Variants in LMNA observed in about 807,000 individuals in gnomAD.
LMNA encodes the protein lamin.
A neutral mutation model predicts 70.4 loss-of-function variants in LMNA; 20 were observed. The ratio of observed to expected loss-of-function variants is 0.28; its 90% confidence interval spans 0.20 to 0.41. The LOEUF is 0.41. LMNA is among the 10% of genes least tolerant of loss of function. The pLI, the probability that LMNA is intolerant of heterozygous loss-of-function variation, is 1.00. For synonymous variants in LMNA, 339 were observed against 372.8 expected (o/e 0.91, Z 1.04); for missense variants, 652 against 917.2 (o/e 0.71, Z 3.73).
In LMNA at chr1:156,139,483, C is replaced by G; in HGVS notation, c.*377C>G. On this transcript the variant is annotated 3_prime_UTR_variant, in exon 12 of 12. Coordinates refer to ENST00000368300, the MANE Select transcript of LMNA (RefSeq NM_170707.4). ...CTGCTTTTCTGCCCTGGCTGCTGCC[C>G]CCACCCCGGGGACCCTGTGACATGG... 1 of 1,327,590 alleles carries G rather than the reference C, an allele frequency of 7.5e-7. No individual in the cohort carries two copies. The highest frequency in any genetic ancestry group is 1.5e-5 in the African/African-American group (1 of 66,456). 82.2% of individuals were successfully genotyped at this position (1,327,590 alleles called of 1,614,324 possible). A position where few individuals can be genotyped will look rare whatever the true frequency, so the allele number is the denominator to read the frequency against.
chr1:156,138,952 G>T lies in LMNA; in HGVS notation c.1969-128G>T. 7.7e-7 allele frequency: 1 copy of T among 1,297,838 alleles called. No individual in the cohort carries two copies. The highest frequency in any genetic ancestry group is 1.2e-5 in the South Asian group (1 of 83,404). 80.4% of individuals were successfully genotyped at this position (1,297,838 alleles called of 1,614,324 possible). A position where few individuals can be genotyped will look rare whatever the true frequency, so the allele number is the denominator to read the frequency against. On this transcript the variant is annotated intron_variant, in intron 11 of 11. Transcript: ENST00000368300. This position sits in a 1 kb window ranked among gnomAD's most constrained non-coding sequence, Gnocchi z 5.5. ...GCCCCTCTTGTCTGAGCCCCAGACT[G>T]GAGGGCAGGGGCAGGGCTGGAGTGT...
At position 156,138,194 on chromosome 1, in the gene LMNA, T is replaced by TCGC; in HGVS notation, c.1699-294_1699-293insCGC. The TCGC allele has an allele frequency of 1.8e-6, 1 of 566,164 alleles. No homozygotes were observed. Among genetic ancestry groups the TCGC allele is most frequent in the Non-Finnish European group, 3.2e-6 (1 of 316,524 alleles). 35.1% of individuals were successfully genotyped at this position (566,164 alleles called of 1,614,324 possible). A position where few individuals can be genotyped will look rare whatever the true frequency, so the allele number is the denominator to read the frequency against. On this transcript the variant is annotated intron_variant, in intron 10 of 11. Transcript: ENST00000368300. This position sits in a 1 kb window ranked among gnomAD's most constrained non-coding sequence, Gnocchi z 5.5. ...AGTGCATGCCTGCTGCCCTACAAGC[T>TCGC]TGCTCCCGTTCTCTCTTCTTTTCCT...
chr1:156,114,632 A>C, upstream of LMNA: 5 of 187,972 alleles, frequency 2.7e-5, no homozygotes, highest in South Asian at 8.0e-5. Context: ...TGGATCTGGG[A>C]CTGCCCCTTT....
intron 3 of LMNA, among the ~76,000 whole-genome samples, chr1:156,091,457 C>A (rs1171698624): frequency 6.6e-6 from 1 of 152,088 alleles, no homozygotes; most frequent in East Asian, 1.9e-4. Flanking sequence ...ACAAAATTAG[C>A]CGGGCATGGT....
At chr1:156,092,979 C>T (rs758008200) in intron 3 of LMNA, among the ~76,000 whole-genome samples, 1 of 150,792 alleles carries the variant, frequency 6.6e-6, no homozygotes, top group Non-Finnish European at 1.5e-5. Context: ...ACTTCCGCCT[C>T]CTGGGTTCAA....
At chr1:156,088,048 T>A (rs2102786790) in intron 2 of LMNA, among the ~76,000 whole-genome samples, 1 of 152,002 alleles carries the variant, frequency 6.6e-6, no homozygotes, top group South Asian at 2.1e-4. Context: ...ATTTTTGTAT[T>A]TTTAGTAGAG....
Position 156,137,957 on chromosome 1 carries a change from TG to T in LMNA, c.1698+217del. On this transcript the variant is annotated intron_variant, in intron 10 of 11. Transcript: ENST00000368300. The surrounding 1 kb of genome is among the most constrained non-coding windows in gnomAD (Gnocchi z 4.6). ...TGCCCTACTCTGGTAAGGAAGGGAG[TG>T]GGAACTTTCTGATGCCATGGAATAT... 2 of 989,616 alleles carry T rather than the reference TG, an allele frequency of 2.0e-6. No individual in the cohort carries two copies. The highest frequency in any genetic ancestry group is 2.9e-6 in the Non-Finnish European group (2 of 690,918). The allele number at this position is 989,616 out of a possible 1,614,324, so 61.3% of individuals were successfully genotyped here. A position where few individuals can be genotyped will look rare whatever the true frequency, so the allele number is the denominator to read the frequency against.
intron 3 of LMNA, among the ~76,000 whole-genome samples, chr1:156,091,390 G>A (rs942615390): frequency 6.6e-6 from 1 of 152,176 alleles, no homozygotes; most frequent in African/African-American, 2.4e-5. Context: ...ATCACCTGAG[G>A]TGGGGAGTTC....
rs1651931777 is a variant in LMNA at position 156,139,438 on chromosome 1, G to A, written c.*332G>A. 1 of 1,346,398 alleles carries A rather than the reference G, an allele frequency of 7.4e-7. No individual in the cohort carries two copies. Among genetic ancestry groups the A allele is most frequent in the Non-Finnish European group, 9.5e-7 (1 of 1,051,148 alleles). The allele number at this position is 1,346,398 out of a possible 1,614,324, so 83.4% of individuals were successfully genotyped here. A position where few individuals can be genotyped will look rare whatever the true frequency, so the allele number is the denominator to read the frequency against. On this transcript the variant is annotated 3_prime_UTR_variant, in exon 12 of 12. Coordinates refer to ENST00000368300, the MANE Select transcript of LMNA (RefSeq NM_170707.4). ...CCTCTAGAAGCCAAGGGAAAGGGGT[G>A]CTTTTATAGAGGCTAGCTTCTGCTT...
At position 156,138,906 on chromosome 1, in the gene LMNA, G is replaced by C. The variant is rs1437696634; in HGVS notation, c.1968+149G>C. ...CCTCCTCCCCACAGCCTGAGTCCTA[G>C]ACAGCCCACCTCTGCATCCTGCCCC... is the stretch of plus-strand genomic sequence containing the variant. On this transcript the variant is annotated intron_variant, in intron 11 of 11. Coordinates refer to ENST00000368300, the MANE Select transcript of LMNA (RefSeq NM_170707.4). The surrounding 1 kb of genome is among the most constrained non-coding windows in gnomAD (Gnocchi z 5.5). 3 of 1,319,444 alleles carry C rather than the reference G, an allele frequency of 2.3e-6. No homozygotes were observed. In the East Asian group the frequency reaches 7.2e-5, roughly 32 times the overall value. The allele number at this position is 1,319,444 out of a possible 1,614,324, so 81.7% of individuals were successfully genotyped here. A position where few individuals can be genotyped will look rare whatever the true frequency, so the allele number is the denominator to read the frequency against.
In LMNA at chr1:156,136,170, C is replaced by T. The variant is rs141879453; in HGVS notation, c.1158-44C>T. On this transcript the variant is annotated intron_variant, in intron 6 of 11. Transcript: ENST00000368300. This position sits in a 1 kb window ranked among gnomAD's most constrained non-coding sequence, Gnocchi z 6.1. ...GGTGCTGGCAGTGTCCTCTGGCCGG[C>T]AACTGGCCTTGACTAGACCCCCACT... The T allele has an allele frequency of 7.2e-3, 11,563 of 1,612,684 alleles. 127 individuals are homozygous for T. The highest frequency in any genetic ancestry group is 0.026 in the Middle Eastern group (156 of 6,046).
upstream of LMNA, among the ~76,000 whole-genome samples, chr1:156,110,427 G>A (rs1377898390): frequency 6.6e-6 from 1 of 152,206 alleles, no homozygotes; most frequent in East Asian, 1.9e-4. Flanking sequence ...TCCTTCAAAT[G>A]TATGTAACCT....
At chr1:156,090,256 T>G (rs1463292882) in intron 2 of LMNA, among the ~76,000 whole-genome samples, 1 of 152,186 alleles carries the variant, frequency 6.6e-6, no homozygotes, top group African/African-American at 2.4e-5. Flanking sequence ...AGTAGGGGAA[T>G]GAGTGAATGA....
At chr1:156,126,011 A>G (rs1318196310) in intron 1 of LMNA, 3 of 289,392 alleles carry the variant, frequency 1.0e-5, no homozygotes, top group African/African-American at 2.2e-5. Context: ...AAAATTTTAA[A>G]ATTAAACAAT....
In LMNA at chr1:156,138,836, G is replaced by A; in HGVS notation, c.1968+79G>A. ...AGGGGTAGGACGAGGTGGCCTTGCA[G>A]GGGGGAGAGCCTGCCTTCTCTTCCG... is the stretch of plus-strand genomic sequence containing the variant. On this transcript the variant is annotated intron_variant, in intron 11 of 11. Transcript: ENST00000368300. The surrounding 1 kb of genome is among the most constrained non-coding windows in gnomAD (Gnocchi z 5.5). The A allele has an allele frequency of 2.5e-6, 4 of 1,580,950 alleles. No homozygotes were observed. Among genetic ancestry groups the A allele is most frequent in the African/African-American group, 1.3e-5 (1 of 74,184 alleles).
Position 156,135,770 on chromosome 1 carries a change from G to T in LMNA, c.937-131G>T. 1.3e-6 allele frequency: 1 copy of T among 755,958 alleles called. No homozygotes were observed. Among genetic ancestry groups the T allele is most frequent in the Non-Finnish European group, 2.2e-6 (1 of 447,958 alleles). The allele number at this position is 755,958 out of a possible 1,614,324, so 46.8% of individuals were successfully genotyped here. A position where few individuals can be genotyped will look rare whatever the true frequency, so the allele number is the denominator to read the frequency against. On this transcript the variant is annotated intron_variant, in intron 5 of 11. Coordinates refer to ENST00000368300, the MANE Select transcript of LMNA (RefSeq NM_170707.4). This position sits in a 1 kb window ranked among gnomAD's most constrained non-coding sequence, Gnocchi z 4.8. Reference sequence around the variant, plus strand: ...TGTGATGTTCAGAGCTGGCTCTGATGAGGGCTCTGGGGAAGCTCTGATTGC... The same window carrying T: ...TGTGATGTTCAGAGCTGGCTCTGATTAGGGCTCTGGGGAAGCTCTGATTGC...
chr1:156,105,446 C>A (rs1649298992), intron 3 of LMNA, among the ~76,000 whole-genome samples: 1 of 152,180 alleles, frequency 6.6e-6, no homozygotes, highest in Non-Finnish European at 1.5e-5. Context: ...CCTGAGAGTG[C>A]CCCTTGCTCC....
chr1:156,098,833 C>T (rs145619101), intron 3 of LMNA, among the ~76,000 whole-genome samples: 96 of 152,290 alleles, frequency 6.3e-4, no homozygotes, highest in African/African-American at 1.9e-3. Flanking sequence ...CCCTCCCACC[C>T]CCATCCTTGG....
chr1:156,139,381 C>G lies in LMNA; in HGVS notation c.*275C>G. On this transcript the variant is annotated 3_prime_UTR_variant, in exon 12 of 12. Transcript: ENST00000368300. ...CTTCCTTTTCCCTGCTTCCAGGAAA[C>G]TCCACATCTGCCTTAAAACCAAAGA... is the stretch of plus-strand genomic sequence containing the variant. The G allele has an allele frequency of 2.2e-6, 3 of 1,382,664 alleles. No homozygotes were observed. Among genetic ancestry groups the G allele is most frequent in the Non-Finnish European group, 2.8e-6 (3 of 1,072,030 alleles). 85.6% of individuals were successfully genotyped at this position (1,382,664 alleles called of 1,614,324 possible).
Sources: allele counts gnomAD v4.1 joint callset (sites outside exome capture counted in the v4.1 genomes callset), GRCh38; gene constraint gnomAD v4.1.1; non-coding constraint Gnocchi (gnomAD v3.1); transcripts MANE v1.5; gene names NCBI Gene and HGNC (gene_info 2026-07-23, HGNC 2026-07-21).